The following PCNT variants were observed in gnomAD, a reference collection of about 807,000 sequenced individuals.
PCNT encodes kendrin.
In PCNT, 319 loss-of-function variants were observed where a neutral mutation model predicts 380.4. The observed-to-expected ratio is 0.84, with a 90% CI of 0.77 to 0.92. The LOEUF (loss-of-function observed/expected upper bound fraction) is 0.92. Ranked by LOEUF, PCNT falls within the 40% of genes least tolerant of loss-of-function variation. PCNT has a pLI of 0.00. For synonymous variants in PCNT, 1,845 were observed against 1,735.2 expected (o/e 1.06, Z -1.57); for missense variants, 4,400 against 4,255.3 (o/e 1.03, Z -0.95).
rs1363145314 is a variant in PCNT, at chr21:46,397,122, T to C, written c.4217-143T>C. On this transcript the variant is annotated intron_variant, in intron 21 of 46. Transcript: ENST00000359568. ...AAATTTGCTTTAGCCAATGTTGTTT[T>C]AAAAGATGGGCGTTTTACCCCGAAT... 7.0e-6 allele frequency: 5 copies of C among 713,390 alleles called. No homozygotes were observed. The African/African-American group carries it at 8.8e-5, about 13-fold the overall frequency. 44.2% of individuals were successfully genotyped at this position (713,390 alleles called of 1,614,324 possible). A position where few individuals can be genotyped will look rare whatever the true frequency, so the allele number is the denominator to read the frequency against.
At chr21:46,434,219 C>G (rs1291922145) in intron 38 of PCNT, among the ~76,000 whole-genome samples, 2 of 152,228 alleles carry the variant, frequency 1.3e-5, no homozygotes, top group Non-Finnish European at 1.5e-5. Flanking sequence ...TCATTAGTTC[C>G]TCTGTATCTT....
chr21:46,413,579 T>G (rs1329053581), intron 29 of PCNT, among the ~76,000 whole-genome samples: 1 of 152,214 alleles, frequency 6.6e-6, no homozygotes, highest in African/African-American at 2.4e-5. Context: ...ATCAGTTGGG[T>G]TTTTTTCTTG....
intron 8 of PCNT, among the ~76,000 whole-genome samples, 183 bp downstream of exon 8, chr21:46,350,003 C>A (rs1010507318): frequency 3.3e-5 from 5 of 152,064 alleles, no homozygotes; most frequent in Admixed American, 6.6e-5. Flanking sequence ...GTGGGCAGAT[C>A]ATGAGCTCAG....
chr21:46,363,633 A>G lies in PCNT; in HGVS notation c.2308A>G (p.Met770Val), dbSNP rs763610190. ...GGAAGCTGAGGAGAAGTTAACATTG[A>G]TGCTACTTGAACTGAGAGAAAAGGC... ...QREAEEKLTLMLLELREKAES... is the reference protein window; with the variant it reads ...QREAEEKLTLVLLELREKAES... Residue 770 changes from methionine to valine, a missense_variant, in exon 14 of 47, where the codon ATG becomes GTG. Met to Val is a conservative substitution (Grantham distance 21, BLOSUM62 1). Coordinates refer to ENST00000359568, the MANE Select transcript of PCNT (RefSeq NM_006031.6). 8 of 1,614,248 alleles carry G rather than the reference A, an allele frequency of 5.0e-6. No individual in the cohort carries two copies. Among genetic ancestry groups the G allele is most frequent in the Non-Finnish European group, 6.8e-6 (8 of 1,180,042 alleles).
At chr21:46,405,955 C>T (rs1310333360) in intron 27 of PCNT, among the ~76,000 whole-genome samples, 2 of 152,062 alleles carry the variant, frequency 1.3e-5, no homozygotes, top group Admixed American at 6.6e-5. Context: ...CTGTAATTCT[C>T]CTAATTTTTT....
At chr21:46,413,859 A>C (rs1317945821) in intron 29 of PCNT, among the ~76,000 whole-genome samples, 2 of 152,194 alleles carry the variant, frequency 1.3e-5, no homozygotes, top group Admixed American at 1.3e-4. Context: ...ATTTAGCGAG[A>C]AAAGCGGGTG....
chr21:46,345,541 T>C (rs2084037691), intron 3 of PCNT, among the ~76,000 whole-genome samples: 1 of 152,188 alleles, frequency 6.6e-6, no homozygotes, highest in South Asian at 2.1e-4. Context: ...TGACTTTACA[T>C]TGTGATTTAA....
rs1345885892 is a variant in PCNT, at chr21:46,426,073, T to TTTTTC, written c.7320+106_7320+107insCTTTT. On this transcript the variant is annotated intron_variant, in intron 33 of 46. Transcript: ENST00000359568. ...CGTGGACACTAGGATTTCTTTCTTT[T>TTTTTC]TTTTTTTTTTTTTTTTTTTTTTTGA... 4.9e-3 allele frequency: 4,015 copies of TTTTTC among 814,558 alleles called. 98 individuals are homozygous for TTTTTC. Among genetic ancestry groups the TTTTTC allele is most frequent in the Non-Finnish European group, 5.1e-3 (3,136 of 610,926 alleles). 50.5% of individuals were successfully genotyped at this position (814,558 alleles called of 1,614,324 possible). A position where few individuals can be genotyped will look rare whatever the true frequency, so the allele number is the denominator to read the frequency against.
At chr21:46,417,498 G>C (rs1393424788) in intron 30 of PCNT, among the ~76,000 whole-genome samples, 1 of 151,954 alleles carries the variant, frequency 6.6e-6, no homozygotes, top group Non-Finnish European at 1.5e-5. Flanking sequence ...AGCCAGAAAT[G>C]CTTCATATTT....
chr21:46,344,068 T>C (rs1228386873), intron 3 of PCNT, among the ~76,000 whole-genome samples: 3 of 151,598 alleles, frequency 2.0e-5, no homozygotes, highest in Non-Finnish European at 4.4e-5. Context: ...TCTTTTCTTT[T>C]CTTTTTTTTT....
rs1397212926 is a variant in PCNT at position 46,326,367 on chromosome 21, T to G, written c.55-10T>G. On this transcript the variant is annotated splice_polypyrimidine_tract_variant and intron_variant, in intron 1 of 46. Transcript: ENST00000359568. ...CTTTGCCTTTACTACTTATCTACAT[T>G]TTTGCGCAGCTTGCTCACTTCCGAC... 5 of 1,613,940 alleles carry G rather than the reference T, an allele frequency of 3.1e-6. No individual in the cohort carries two copies. The African/African-American group carries it at 5.3e-5, about 17-fold the overall frequency.
In PCNT at chr21:46,349,166, A is replaced by G. The variant is rs751609900; in HGVS notation, c.1187A>G (p.Gln396Arg). Residue 396 changes from glutamine (Q) to arginine (R), a missense_variant, in exon 7 of 47, where the codon CAA (glutamine) becomes CGA (arginine). Physicochemically the swap from Gln to Arg is conservative, Grantham distance 43. Coordinates refer to ENST00000359568, the MANE Select transcript of PCNT (RefSeq NM_006031.6). ...AGAGCTGAGTTGGAGAAGATTTTTCAAGACAAAAACCAGGCTGAACGTAAG... is the reference window on the plus strand; with the variant it reads ...AGAGCTGAGTTGGAGAAGATTTTTCGAGACAAAAACCAGGCTGAACGTAAG... ...EQRAELEKIF[Q>R]DKNQAERALR... is the part of the protein sequence containing the mutation. 9.9e-6 allele frequency: 16 copies of G among 1,613,934 alleles called. No individual in the cohort carries two copies. Among genetic ancestry groups the G allele is most frequent in the Non-Finnish European group, 1.4e-5 (16 of 1,179,902 alleles).
chr21:46,390,874 G>A (rs763023531), intron 20 of PCNT, 42 bp downstream of exon 20: 18 of 1,588,178 alleles, frequency 1.1e-5, no homozygotes, highest in South Asian at 3.4e-5. Flanking sequence ...GCACAGGCAC[G>A]GGGAGCAGGC....
At chr21:46,404,258 T>C (rs2086556630) in intron 27 of PCNT, among the ~76,000 whole-genome samples, 1 of 152,244 alleles carries the variant, frequency 6.6e-6, no homozygotes, top group Admixed American at 6.5e-5. Context: ...CAAAAAAAAT[T>C]TTCAAATTGA....
intron 31 of PCNT, among the ~76,000 whole-genome samples, chr21:46,420,163 G>A (rs1452217630): frequency 6.6e-6 from 1 of 152,040 alleles, no homozygotes; most frequent in Non-Finnish European, 1.5e-5. Context: ...AGTGACACGC[G>A]ACCTTGGAGG....
Position 46,389,206 on chromosome 21 carries a change from G to T in PCNT, c.3615G>T (p.Ala1205=), listed in dbSNP as rs61735806. 1.2e-6 allele frequency: 2 copies of T among 1,613,982 alleles called. No individual in the cohort carries two copies. Among genetic ancestry groups the T allele is most frequent in the Admixed American group, 3.3e-5 (2 of 60,020 alleles). ...CATCTGCTCATCTTGTAGCTCCGGC[G>T]CTGGAGGAGACATGGTCTGATGTGG... The part of the protein sequence containing the change: ...GAGLALSTAP[A]LEETWSDVAL... Residue 1205 remains alanine (A), a synonymous_variant, in exon 19 of 47, where the codon GCG becomes GCT. Transcript: ENST00000359568.
At position 46,361,561 on chromosome 21, in the gene PCNT, A is replaced by C. The variant is rs549958075; in HGVS notation, c.2155-1919A>C. ...CTGCAGTTTTCATAGACTAGACATC[A>C]CATCCGCCTCCTGCAGTGTCAGGAG... On this transcript the variant is annotated intron_variant, in intron 13 of 46. Coordinates refer to ENST00000359568, the MANE Select transcript of PCNT (RefSeq NM_006031.6). 1.2e-4 allele frequency among the ~76,000 whole-genome samples: 18 copies of C among 152,296 alleles called. No individual in the cohort carries two copies. The South Asian group carries it at 3.5e-3, about 30-fold the overall frequency.
At chr21:46,338,604 CTTTT>C (rs35172694) in intron 3 of PCNT, among the ~76,000 whole-genome samples, 4 of 115,874 alleles carry the variant, frequency 3.5e-5, no homozygotes, top group Non-Finnish European at 1.8e-5. Context: ...ATGAATGTGT[CTTTT>C]TTTTTTTTTT....
chr21:46,404,383 T>G (rs939042681), intron 27 of PCNT, among the ~76,000 whole-genome samples: 1 of 141,248 alleles, frequency 7.1e-6, no homozygotes, highest in Non-Finnish European at 1.6e-5. Context: ...TTGATATGGT[T>G]GTTGTTATTA....
Sources: allele counts gnomAD v4.1 joint callset (sites outside exome capture counted in the v4.1 genomes callset), GRCh38; gene constraint gnomAD v4.1.1; transcripts MANE v1.5; gene names NCBI Gene and HGNC (gene_info 2026-07-23, HGNC 2026-07-21).